PCDHA1: variants seen among roughly 807,000 people sequenced by gnomAD.
The protein encoded by PCDHA1 is protocadherin alpha-1.
PCDHA1 carries 42 observed loss-of-function variants against 61.3 expected under a neutral mutation model. The observed-to-expected ratio is 0.69, with a 90% CI of 0.54 to 0.89. The LOEUF is 0.89. Among genes scored for constraint, PCDHA1 ranks in the 40% least tolerant of loss-of-function variants. PCDHA1 has a pLI of 0.00. For missense variants in PCDHA1, 1,256 were observed against 1,235.3 expected (o/e 1.02, Z -0.25); for synonymous variants, 610 against 553.8 (o/e 1.10, Z -1.43).
At chr5:140,969,230 G>A (rs1554231609) in intron 1 of PCDHA1, 1 of 1,614,154 alleles carries the variant, frequency 6.2e-7, no homozygotes, top group South Asian at 1.1e-5. Flanking sequence ...GCCTTCGGGA[G>A]CCCAAGCAGC....
chr5:141,010,193 T>C lies in PCDHA1; in HGVS notation c.*256T>C, dbSNP rs782116962. Reference sequence around the variant, plus strand: ...CCTAAAAAGCAGACCCAAGTTTCCTTTCTCCTCCGCCGCAAAGGAGAGGCT... The same window carrying C: ...CCTAAAAAGCAGACCCAAGTTTCCTCTCTCCTCCGCCGCAAAGGAGAGGCT... On this transcript the variant is annotated 3_prime_UTR_variant, in exon 4 of 4. Transcript: ENST00000504120. 7.7e-6 allele frequency: 12 copies of C among 1,552,398 alleles called. No individual in the cohort carries two copies. The South Asian group carries it at 1.3e-4, about 17-fold the overall frequency.
chr5:140,877,288 T>G (rs782747810), intron 1 of PCDHA1: 3 of 1,613,908 alleles, frequency 1.9e-6, no homozygotes, highest in East Asian at 4.5e-5. Flanking sequence ...CTATAACGCT[T>G]GGCTGTCCTA....
rs2150436326 is a variant in PCDHA1 at position 140,849,370 on chromosome 5, A to C, written c.2394+60686A>C. ...GATGTTTCTCCAGATATAAAATCCA[A>C]GTTCCACATGGACCCCTTAAGTGGG... On this transcript the variant is annotated intron_variant, in intron 1 of 3. Transcript: ENST00000504120. 2.7e-6 allele frequency: 4 copies of C among 1,490,456 alleles called. No homozygotes were observed. The East Asian group carries it at 9.1e-5, about 34-fold the overall frequency. The allele number at this position is 1,490,456 out of a possible 1,614,324, so 92.3% of individuals were successfully genotyped here. A position where few individuals can be genotyped will look rare whatever the true frequency, so the allele number is the denominator to read the frequency against.
chr5:140,881,909 G>A (rs941994896), intron 1 of PCDHA1: 2 of 230,500 alleles, frequency 8.7e-6, no homozygotes, highest in Non-Finnish European at 1.7e-5. Context: ...AATATAAAAT[G>A]TTGAGCAGAA....
chr5:140,869,157 TCTC>T (rs1201897612), intron 1 of PCDHA1: 2 of 1,613,798 alleles, frequency 1.2e-6, no homozygotes, highest in South Asian at 1.1e-5. Context: ...AGCTCTGGCT[TCTC>T]CTCCTCGAAT....
At chr5:140,805,229 G>T (rs989060098) in intron 1 of PCDHA1, 3 of 1,389,698 alleles carry the variant, frequency 2.2e-6, no homozygotes, top group Non-Finnish European at 2.8e-6. Flanking sequence ...CTATTCTGCT[G>T]CATTCCCCAT....
chr5:140,941,185 C>CTTT (rs782102770), intron 1 of PCDHA1, among the ~76,000 whole-genome samples: 77 of 102,238 alleles, frequency 7.5e-4, no homozygotes, highest in Admixed American at 3.0e-3. Flanking sequence ...CATCCTGCTT[C>CTTT]TTTTTTTTTC....
At chr5:140,877,525 G>A (rs1562735759) in intron 1 of PCDHA1, 7 of 1,613,804 alleles carry the variant, frequency 4.3e-6, no homozygotes, top group Non-Finnish European at 5.9e-6. Flanking sequence ...GGCCTCAGTG[G>A]GCGCTGTGGA....
chr5:140,979,797 C>T (rs1253949980), intron 2 of PCDHA1, among the ~76,000 whole-genome samples: 1 of 152,154 alleles, frequency 6.6e-6, no homozygotes, highest in African/African-American at 2.4e-5. Flanking sequence ...AACAAATGAT[C>T]ACAACTATCA....
chr5:140,860,276 G>T (rs1399451611), intron 1 of PCDHA1: 2 of 151,942 alleles, frequency 1.3e-5, no homozygotes, highest in South Asian at 2.1e-4. Flanking sequence ...TGCTACTTGG[G>T]AGGGTGAGGT....
intron 1 of PCDHA1, among the ~76,000 whole-genome samples, chr5:140,789,175 G>T (rs1019836639): frequency 4.1e-4 from 63 of 152,192 alleles, no homozygotes; most frequent in African/African-American, 1.5e-3. Flanking sequence ...ATTGGCTGGG[G>T]GCGGTGGCTT....
At chr5:140,915,533 G>C (rs1200323853) in intron 1 of PCDHA1, among the ~76,000 whole-genome samples, 1 of 152,018 alleles carries the variant, frequency 6.6e-6, no homozygotes, top group Non-Finnish European at 1.5e-5. Flanking sequence ...GTACCATCTT[G>C]GAGGTCTTGA....
At chr5:141,001,978 A>G (rs1331599524) in intron 3 of PCDHA1, among the ~76,000 whole-genome samples, 1 of 152,166 alleles carries the variant, frequency 6.6e-6, no homozygotes, top group Non-Finnish European at 1.5e-5. Context: ...TCTGCGCGGA[A>G]AGCCTGGAAG....
chr5:140,816,829 G>A (rs1766003060), intron 1 of PCDHA1: 1 of 151,604 alleles, frequency 6.6e-6, no homozygotes, highest in African/African-American at 2.4e-5. Context: ...TTTTCCCTCT[G>A]TGGTGTCTGT....
In PCDHA1 at chr5:141,010,195, C is replaced by G. The variant is rs753472247; in HGVS notation, c.*258C>G. 6.4e-7 allele frequency: 1 copy of G among 1,552,256 alleles called. No homozygotes were observed. The highest frequency in any genetic ancestry group is 8.7e-7 in the Non-Finnish European group (1 of 1,147,132). Reference sequence around the variant, plus strand: ...TAAAAAGCAGACCCAAGTTTCCTTTCTCCTCCGCCGCAAAGGAGAGGCTTC... The same window carrying G: ...TAAAAAGCAGACCCAAGTTTCCTTTGTCCTCCGCCGCAAAGGAGAGGCTTC... On this transcript the variant is annotated 3_prime_UTR_variant, in exon 4 of 4. Coordinates refer to ENST00000504120, the MANE Select transcript of PCDHA1 (RefSeq NM_018900.4).
At chr5:140,801,618 T>C in intron 1 of PCDHA1, 1 of 1,614,100 alleles carries the variant, frequency 6.2e-7, no homozygotes, top group East Asian at 2.2e-5. Context: ...AAAGAATCTG[T>C]TTATTTCCGA....
rs555659207 is a variant in PCDHA1, at chr5:140,967,475, C to A, written c.2395-11474C>A. 2.5e-6 allele frequency: 4 copies of A among 1,613,342 alleles called. No homozygotes were observed. In the East Asian group the frequency reaches 8.9e-5, roughly 36 times the overall value. On this transcript the variant is annotated intron_variant, in intron 1 of 3. Coordinates refer to ENST00000504120, the MANE Select transcript of PCDHA1 (RefSeq NM_018900.4). ...AGCCGTGGATGGGGGCATCCCAGCC[C>A]GCTCGGGTACGGCACAGATCTCTGT...
rs781815387 is a variant in PCDHA1, at chr5:140,978,983, C to A, written c.2429C>A (p.Ala810Asp). The part of the protein sequence containing the change: ...RQPNPDWRYS[A>D]SLRAGMHSSV... Reference sequence around the variant, plus strand: ...CCCAACCCTGACTGGCGTTACTCTGCCTCCCTGAGAGCAGGCATGCACAGG... The same window carrying A: ...CCCAACCCTGACTGGCGTTACTCTGACTCCCTGAGAGCAGGCATGCACAGG... Residue 810 changes from alanine (A) to aspartate (D), a missense_variant, in exon 2 of 4, where the codon GCC (alanine) becomes GAC (aspartate). By Grantham distance (126) the Ala-to-Asp change is moderately radical. Transcript: ENST00000504120. 1.6e-5 allele frequency: 26 copies of A among 1,614,142 alleles called. No homozygotes were observed. Among genetic ancestry groups the A allele is most frequent in the Non-Finnish European group, 2.2e-5 (26 of 1,180,024 alleles).
intron 1 of PCDHA1, among the ~76,000 whole-genome samples, chr5:140,895,496 T>A (rs1364776623): frequency 1.3e-5 from 2 of 152,216 alleles, no homozygotes; most frequent in African/African-American, 4.8e-5. Flanking sequence ...TATTCAGAAC[T>A]TTTGCCCAAT....
Sources: allele counts gnomAD v4.1 joint callset (sites outside exome capture counted in the v4.1 genomes callset), GRCh38; gene constraint gnomAD v4.1.1; transcripts MANE v1.5; gene names NCBI Gene and HGNC (gene_info 2026-07-23, HGNC 2026-07-21).